The following CCDC18 variants were observed in gnomAD, a reference collection of about 807,000 sequenced individuals.
The protein encoded by CCDC18 is coiled-coil domain containing 18.
A neutral mutation model predicts 196.0 loss-of-function variants in CCDC18; 157 were observed. The observed-to-expected ratio is 0.80, with a 90% CI of 0.70 to 0.91. The LOEUF (loss-of-function observed/expected upper bound fraction) is 0.91, where lower values mean the gene tolerates loss of function less well. Ranked by LOEUF, CCDC18 falls within the 40% of genes least tolerant of loss-of-function variation. CCDC18 has a pLI of 0.00. For synonymous variants in CCDC18, 482 were observed against 529.2 expected (o/e 0.91, Z 1.22); for missense variants, 1,465 against 1,611.6 (o/e 0.91, Z 1.56).
At chr1:93,228,922 A>G (rs1557659542) in intron 17 of CCDC18, among the ~76,000 whole-genome samples, 1 of 149,742 alleles carries the variant, frequency 6.7e-6, no homozygotes, top group Admixed American at 6.7e-5. Flanking sequence ...AAATAGAACG[A>G]TTTTTTTTTT....
chr1:93,180,361 T>TGGCGGCCGCGGC (rs1468383255), upstream of CCDC18: 1 of 1,345,282 alleles, frequency 7.4e-7, no homozygotes, highest in Non-Finnish European at 1.0e-6. Flanking sequence ...AAACTCCAGG[T>TGGCGGCCGCGGC]GGCGGCCGCG....
chr1:93,203,573 A>G (rs1253663541), intron 7 of CCDC18, among the ~76,000 whole-genome samples: 1 of 152,202 alleles, frequency 6.6e-6, no homozygotes, highest in Non-Finnish European at 1.5e-5. Context: ...TAAAAAAATT[A>G]GAGAATCAGG....
chr1:93,214,986 G>A lies in CCDC18; in HGVS notation c.1719+20G>A. ...AGTGAAGTAAGCTTGGAATTAGCTT[G>A]GTATATATGTTAATTTTTGAACTAG... On this transcript the variant is annotated intron_variant, in intron 12 of 28. Coordinates refer to ENST00000690025, the MANE Select transcript of CCDC18 (RefSeq NM_001378204.1). 1 of 1,461,262 alleles carries A rather than the reference G, an allele frequency of 6.8e-7. No individual in the cohort carries two copies. The highest frequency in any genetic ancestry group is 9.3e-7 in the Non-Finnish European group (1 of 1,072,510). The allele number at this position is 1,461,262 out of a possible 1,614,324, so 90.5% of individuals were successfully genotyped here.
In CCDC18 at chr1:93,236,327, A is replaced by C; in HGVS notation, c.2540A>C (p.Glu847Ala). Reference sequence around the variant, plus strand: ...TTGAGAAAAATGGAGGAGAAATGTGAATCAGCTGCACATGAAGCAGATTTG... The same window carrying C: ...TTGAGAAAAATGGAGGAGAAATGTGCATCAGCTGCACATGAAGCAGATTTG... ...EKLRKMEEKC[E>A]SAAHEADLKR... The change falls in exon 19 of 29, where the codon GAA becomes GCA. Residue 847 changes from glutamate to alanine, a missense_variant. Physicochemically the swap from Glu to Ala is moderately radical, Grantham distance 107 (BLOSUM62 -1). Transcript: ENST00000690025. 6.3e-7 allele frequency: 1 copy of C among 1,578,436 alleles called. No individual in the cohort carries two copies. The highest frequency in any genetic ancestry group is 8.6e-7 in the Non-Finnish European group (1 of 1,168,778).
intron 7 of CCDC18, among the ~76,000 whole-genome samples, chr1:93,204,109 T>C (rs1489574938): frequency 6.6e-6 from 1 of 152,122 alleles, no homozygotes; most frequent in Non-Finnish European, 1.5e-5. Flanking sequence ...GAAGCTGTGG[T>C]AAAGCACCTA....
At chr1:93,227,974 AT>A (rs1191730919) in intron 17 of CCDC18, among the ~76,000 whole-genome samples, 6 of 129,506 alleles carry the variant, frequency 4.6e-5, no homozygotes, top group African/African-American at 1.7e-4. Context: ...AAAAAAAAAT[AT>A]ATATATATAT....
In CCDC18 at chr1:93,206,794, TATA is replaced by T. The variant is rs1301753553; in HGVS notation, c.918-310_918-308del. Among the ~76,000 whole-genome samples the T allele has an allele frequency of 2.0e-5, 3 of 152,140 alleles. No homozygotes were observed. In the East Asian group the frequency reaches 5.8e-4, roughly 29 times the overall value. ...TTTTGAAGTTAGATTTCCTGTCTTA[TATA>T]ATTAAACAGGGAGCAGAAATGCTTT... On this transcript the variant is annotated intron_variant, in intron 8 of 28. Transcript: ENST00000690025.
chr1:93,264,504 G>C (rs1664230896), intron 26 of CCDC18, 197 bp from the exon 27 acceptor site: 2 of 429,268 alleles, frequency 4.7e-6, no homozygotes, highest in Non-Finnish European at 8.3e-6. Flanking sequence ...AAGTTCTTAA[G>C]TAAATTGAAG....
intron 24 of CCDC18, 22 bp downstream of exon 24, chr1:93,254,636 A>G (rs1471177765): frequency 5.6e-6 from 9 of 1,598,524 alleles, no homozygotes; most frequent in East Asian, 2.2e-5. Flanking sequence ...ATTTCCACCT[A>G]AGGAACAAGT....
chr1:93,202,802 A>G (rs930168536), intron 7 of CCDC18, among the ~76,000 whole-genome samples: 3 of 152,200 alleles, frequency 2.0e-5, no homozygotes, highest in Non-Finnish European at 2.9e-5. Context: ...CTCACTGTCT[A>G]GTAAGATTGA....
chr1:93,219,200 C>G (rs188572904), intron 14 of CCDC18, among the ~76,000 whole-genome samples: 1 of 152,194 alleles, frequency 6.6e-6, no homozygotes, highest in African/African-American at 2.4e-5. Flanking sequence ...TAAGCACTTA[C>G]GCATTGTGGT....
chr1:93,196,486 T>C (rs1221439601), intron 6 of CCDC18, among the ~76,000 whole-genome samples: 2 of 152,144 alleles, frequency 1.3e-5, no homozygotes, highest in African/African-American at 2.4e-5. Context: ...CAAGAAGATA[T>C]AAAGACTCTA....
intron 6 of CCDC18, among the ~76,000 whole-genome samples, chr1:93,195,240 G>A (rs1652532494): frequency 6.6e-6 from 1 of 152,120 alleles, no homozygotes; most frequent in African/African-American, 2.4e-5. Context: ...ATGTGCAAAG[G>A]TATAGAAGTA....
rs1238798876 is a variant in CCDC18, at chr1:93,264,773, C to G, written c.3757C>G (p.Leu1253Val). Residue 1253 changes from leucine to valine, a missense_variant, in exon 27 of 29, where the codon CTA becomes GTA. Physicochemically the swap from Leu to Val is conservative, Grantham distance 32. Transcript: ENST00000690025. ...ADSQKSSVQQ[L>V]NEQLEKAKLE... is the part of the protein sequence containing the mutation. ...CTCTCAAAAGTCTTCTGTTCAGCAA[C>G]TAAACGAACAGTTAGAGAAGGCAAA... The G allele has an allele frequency of 1.2e-6, 2 of 1,612,860 alleles. No homozygotes were observed. Among genetic ancestry groups the G allele is most frequent in the South Asian group, 2.2e-5 (2 of 91,044 alleles).
chr1:93,254,555 A>G lies in CCDC18; in HGVS notation c.3283A>G (p.Ile1095Val). ...EFIMLQNEQE[I>V]SQLKKEIERT... ...TATAATGCTACAAAATGAACAGGAG[A>G]TAAGTCAACTGAAAAAAGAAATTGA... is the stretch of plus-strand genomic sequence containing the variant. Residue 1095 changes from isoleucine (I) to valine (V), a missense_variant, in exon 24 of 29, where the codon ATA becomes GTA. Transcript: ENST00000690025. 1.9e-6 allele frequency: 3 copies of G among 1,609,598 alleles called. No homozygotes were observed. The highest frequency in any genetic ancestry group is 2.2e-5 in the South Asian group (2 of 90,590).
chr1:93,246,817 C>A, intron 22 of CCDC18, 21 bp from the exon 23 acceptor site: 1 of 1,058,882 alleles, frequency 9.4e-7, no homozygotes, highest in Non-Finnish European at 1.5e-6. Context: ...AATTGAACAA[C>A]AGTTTAAGGT....
intron 21 of CCDC18, among the ~76,000 whole-genome samples, chr1:93,240,455 T>C (rs1444578462): frequency 6.6e-6 from 1 of 152,136 alleles, no homozygotes; most frequent in African/African-American, 2.4e-5. Context: ...CACACATGTA[T>C]AGTGAGTGGA....
intron 6 of CCDC18, among the ~76,000 whole-genome samples, chr1:93,198,817 T>C (rs1653254605): frequency 6.6e-6 from 1 of 152,090 alleles, no homozygotes. Flanking sequence ...CCGACTAATT[T>C]TTAAATTTTT....
intron 17 of CCDC18, among the ~76,000 whole-genome samples, chr1:93,227,967 A>ATATATATATATATATATATAT: frequency 9.2e-6 from 1 of 108,714 alleles, no homozygotes; most frequent in East Asian, 2.3e-4. Context: ...CAAAAAAAAA[A>ATATATATATATATATATATAT]AAAAATATAT....
Sources: allele counts gnomAD v4.1 joint callset (sites outside exome capture counted in the v4.1 genomes callset), GRCh38; gene constraint gnomAD v4.1.1; transcripts MANE v1.5; gene names NCBI Gene and HGNC (gene_info 2026-07-23, HGNC 2026-07-21).